The following SMC1A variants were observed in gnomAD, a reference collection of about 807,000 sequenced individuals.
SMC1A encodes the protein structural maintenance of chromosomes 1A, also known as structural maintenance of chromosomes protein 1A.
Under a neutral mutation model 94.5 loss-of-function variants are expected in SMC1A, and 4 were observed. That is an observed-to-expected ratio of 0.04 (90% CI 0.02 to 0.10). The LOEUF (loss-of-function observed/expected upper bound fraction) is 0.10, where lower values mean the gene tolerates loss of function less well. SMC1A is among the 10% of genes least tolerant of loss of function. The pLI, the probability that SMC1A is intolerant of heterozygous loss-of-function variation, is 1.00. For synonymous variants in SMC1A, 345 were observed against 347.7 expected, an observed-to-expected ratio of 0.99 and a Z score of 0.09; for missense variants, 304 against 989.0, an observed-to-expected ratio of 0.31 and a Z score of 9.29.
At position 53,375,702 on chromosome X, in the gene SMC1A, TGAG is replaced by T; in HGVS notation, c.*4398_*4400del. On this transcript the variant is annotated 3_prime_UTR_variant, in exon 25 of 25. Coordinates refer to ENST00000322213, the MANE Select transcript of SMC1A (RefSeq NM_006306.4). ...AACTAACTTGAGGAATTCCAGTTGC[TGAG>T]GAGGATGTAAGCAGATTGTTTCAGA... The T allele has an allele frequency of 9.0e-6, 1 of 111,654 alleles. No individual in the cohort carries two copies. The highest frequency in any genetic ancestry group is 4.6e-3 in the Middle Eastern group (1 of 218). 9.2% of individuals were successfully genotyped at this position (111,654 alleles called of 1,213,427 possible).
chrX:53,379,840 G>A lies in SMC1A; in HGVS notation c.*263C>T. ...CACGATTATGGGTGATGAGGGGGAGGAAGGGGGTGTGTGTGATGAACAGAT... is the reference window on the plus strand; with the variant it reads ...CACGATTATGGGTGATGAGGGGGAGAAAGGGGGTGTGTGTGATGAACAGAT... On this transcript the variant is annotated 3_prime_UTR_variant, in exon 25 of 25. Coordinates refer to ENST00000322213, the MANE Select transcript of SMC1A (RefSeq NM_006306.4). The A allele has an allele frequency of 2.4e-6, 1 of 421,657 alleles. No homozygotes were observed. Among genetic ancestry groups the A allele is most frequent in the Admixed American group, 4.1e-5 (1 of 24,629 alleles). 34.7% of individuals were successfully genotyped at this position (421,657 alleles called of 1,213,427 possible). A position where few individuals can be genotyped will look rare whatever the true frequency, so the allele number is the denominator to read the frequency against.
rs142531536 is a variant in SMC1A, at chrX:53,409,260, T to G, written c.1347A>C (p.Leu449=). 2.3e-5 allele frequency: 28 copies of G among 1,204,866 alleles called. No homozygotes were observed. The highest frequency in any genetic ancestry group is 3.1e-5 in the Non-Finnish European group (28 of 892,407). ...EEYITTSKQS[L]EEQKKLEGEL... is the part of the protein sequence containing the mutation. ...CCCCCTCTAGCTTCTTCTGCTCTTC[T>G]AGGGACTGCCTACAAAGTGAGGGCA... Residue 449 remains leucine (L), a synonymous_variant, in exon 9 of 25, where the codon CTA becomes CTC. Transcript: ENST00000322213.
intron 16 of SMC1A, among the ~76,000 whole-genome samples, chrX:53,399,121 C>T (rs1301223132): frequency 9.0e-6 from 1 of 110,903 alleles, no homozygotes; most frequent in African/African-American, 3.3e-5. Flanking sequence ...ACCTGTAGTC[C>T]CAGCTGCTTG....
rs781981715 is a variant in SMC1A, at chrX:53,409,361, T to C, written c.1337+60A>G. 25 of 1,150,624 alleles carry C rather than the reference T, an allele frequency of 2.2e-5. No individual in the cohort carries two copies. The African/African-American group carries it at 3.2e-4, about 15-fold the overall frequency. 94.8% of individuals were successfully genotyped at this position (1,150,624 alleles called of 1,213,427 possible). On this transcript the variant is annotated intron_variant, in intron 8 of 24. Coordinates refer to ENST00000322213, the MANE Select transcript of SMC1A (RefSeq NM_006306.4). ...TGGGGGTCCTGCATGAAGAGGGGCA[T>C]GTAGGTAGGGTCACAAGAACAGGCC...
At chrX:53,403,719 G>A in intron 14 of SMC1A, 47 bp from the exon 15 acceptor site, 1 of 1,177,164 alleles carries the variant, frequency 8.5e-7, no homozygotes, top group South Asian at 1.8e-5. Context: ...AGTCTGTCCT[G>A]CTTCCAGTCC....
intron 1 of SMC1A, among the ~76,000 whole-genome samples, chrX:53,418,204 C>T (rs868980535): frequency 1.8e-5 from 2 of 112,363 alleles, no homozygotes; most frequent in East Asian, 5.6e-4. Context: ...CTCGCTCTAT[C>T]GCCCACGCTA....
rs2075552586 is a variant in SMC1A at position 53,374,427 on chromosome X, C to T, written c.*5676G>A. The T allele has an allele frequency of 8.9e-6, 1 of 111,782 alleles. No homozygotes were observed. Among genetic ancestry groups the T allele is most frequent in the African/African-American group, 3.3e-5 (1 of 30,656 alleles). The allele number at this position is 111,782 out of a possible 1,213,427, so 9.2% of individuals were successfully genotyped here. A position where few individuals can be genotyped will look rare whatever the true frequency, so the allele number is the denominator to read the frequency against. On this transcript the variant is annotated 3_prime_UTR_variant, in exon 25 of 25. Transcript: ENST00000322213. ...TGCCCCCCTCGATGCTAGCCCATGG[C>T]TTTTTCTGCCTCATGGGTCCTGCAG...
chrX:53,405,281 C>T lies in SMC1A; in HGVS notation c.2022G>A (p.Leu674=). 1 of 1,212,046 alleles carries T rather than the reference C, an allele frequency of 8.3e-7. No individual in the cohort carries two copies. The highest frequency in any genetic ancestry group is 1.1e-6 in the Non-Finnish European group (1 of 895,599). Residue 674 remains leucine, a synonymous_variant, in exon 12 of 25, where the codon TTG becomes TTA. Coordinates refer to ENST00000322213, the MANE Select transcript of SMC1A (RefSeq NM_006306.4). ...CTGTCAAGCGCTCCTTCTTCTCTTT[C>T]AACTTGTCTACTGCTTTCTCATCCC... The part of the protein sequence containing the change: ...RRWDEKAVDK[L]KEKKERLTEE...
In SMC1A at chrX:53,374,966, CT is replaced by C. The variant is rs782025891; in HGVS notation, c.*5136del. The C allele has an allele frequency of 8.9e-6, 1 of 112,868 alleles. No individual in the cohort carries two copies. The highest frequency in any genetic ancestry group is 3.6e-4 in the South Asian group (1 of 2,748). 9.3% of individuals were successfully genotyped at this position (112,868 alleles called of 1,213,427 possible). ...ATTTGCCATTTGATACATGCCACCC[CT>C]GTAAGGTGAAGTCCTTATGCCAGTC... On this transcript the variant is annotated 3_prime_UTR_variant, in exon 25 of 25. Transcript: ENST00000322213.
In SMC1A at chrX:53,394,876, C is replaced by T. The variant is rs1556887771; in HGVS notation, c.2875G>A (p.Gly959Arg). 8.5e-7 allele frequency: 1 copy of T among 1,181,370 alleles called. No individual in the cohort carries two copies. Among genetic ancestry groups the T allele is most frequent in the Admixed American group, 2.2e-5 (1 of 45,990 alleles). Residue 959 changes from glycine (G) to arginine (R), a missense_variant, in exon 19 of 25, where the codon GGG becomes AGG. Physicochemically the swap from Gly to Arg is moderately radical, Grantham distance 125. Coordinates refer to ENST00000322213, the MANE Select transcript of SMC1A (RefSeq NM_006306.4). ...TGTGAACCACTCACTGAGTCCTCCC[C>T]CTGGGAGCTACCCTGCAATGGCAAC... ...DISQEEGSSQ[G>R]EDSVSGSQRI...
chrX:53,412,794 AAC>A, intron 5 of SMC1A, 104 bp downstream of exon 5: 1 of 1,130,218 alleles, frequency 8.8e-7, no homozygotes, highest in Admixed American at 2.2e-5. Context: ...TTAGGAGAAT[AAC>A]AGAGAAATGA....
At chrX:53,404,150 C>T (rs2075682027) in intron 13 of SMC1A, among the ~76,000 whole-genome samples, 1 of 111,440 alleles carries the variant, frequency 9.0e-6, no homozygotes, top group African/African-American at 3.3e-5. Flanking sequence ...AGGTCCCAGT[C>T]TTTGATCTAC....
At chrX:53,402,912 A>AATCCTAGC (rs1469309689) in intron 15 of SMC1A, among the ~76,000 whole-genome samples, 1 of 94,911 alleles carries the variant, frequency 1.1e-5, no homozygotes, top group Non-Finnish European at 2.1e-5. Flanking sequence ...TCACACCTAT[A>AATCCTAGC]ATCCTAGCAC....
intron 24 of SMC1A, 133 bp from the exon 25 acceptor site, chrX:53,380,319 G>A (rs1200607311): frequency 3.9e-6 from 2 of 514,483 alleles, no homozygotes; most frequent in African/African-American, 2.3e-5. Context: ...GGTTCTCTCT[G>A]GGTGTGAGAG....
intron 19 of SMC1A, among the ~76,000 whole-genome samples, chrX:53,385,475 C>T (rs1003922765): frequency 2.8e-5 from 3 of 108,149 alleles, no homozygotes; most frequent in Non-Finnish European, 3.8e-5. Flanking sequence ...GGGGTTTCAC[C>T]GTGTTAGCCA....
chrX:53,404,051 C>G (rs782480832), intron 13 of SMC1A, among the ~76,000 whole-genome samples, 158 bp from the exon 14 acceptor site: 100 of 111,531 alleles, frequency 9.0e-4, no homozygotes, highest in Non-Finnish European at 1.6e-3. Context: ...TGATGTTGCA[C>G]TGAAGCCATC....
intron 19 of SMC1A, among the ~76,000 whole-genome samples, chrX:53,384,993 AT>A (rs1421981978): frequency 1.9e-4 from 21 of 108,060 alleles, no homozygotes; most frequent in East Asian, 1.2e-3. Context: ...GCTAAAAAAA[AT>A]ATATATATAT....
chrX:53,383,358 C>G lies in SMC1A; in HGVS notation c.2974-105G>C, dbSNP rs1419078066. On this transcript the variant is annotated intron_variant, in intron 19 of 24. Coordinates refer to ENST00000322213, the MANE Select transcript of SMC1A (RefSeq NM_006306.4). ...TGTGGCCTGGGCGCCTGCTCCTATA[C>G]GGAGGGCAGGTTCTTCTTCTCCAGC... 5 of 784,720 alleles carry G rather than the reference C, an allele frequency of 6.4e-6. No homozygotes were observed. The Middle Eastern group carries it at 1.3e-3, about 208-fold the overall frequency. The allele number at this position is 784,720 out of a possible 1,213,427, so 64.7% of individuals were successfully genotyped here. A position where few individuals can be genotyped will look rare whatever the true frequency, so the allele number is the denominator to read the frequency against.
chrX:53,388,402 T>C (rs964367610), intron 19 of SMC1A, among the ~76,000 whole-genome samples: 7 of 110,846 alleles, frequency 6.3e-5, no homozygotes, highest in South Asian at 3.8e-4. Flanking sequence ...CTGGAAAACT[T>C]TGATGGATAT....
Sources: gnomAD v4.1 joint callset for allele counts (sites outside exome capture counted in the v4.1 genomes callset) on GRCh38, gnomAD v4.1.1 for gene constraint, MANE v1.5 for transcripts, NCBI Gene and HGNC (gene_info 2026-07-23, HGNC 2026-07-21) for gene names.